The following APBB1IP variants were observed in gnomAD, a reference collection of about 807,000 sequenced individuals.
APBB1IP encodes amyloid beta precursor protein binding family B member 1 interacting protein.
APBB1IP carries 27 observed loss-of-function variants against 64.9 expected under a neutral mutation model. That is an observed-to-expected ratio of 0.42 (90% CI 0.31 to 0.57). APBB1IP has a LOEUF of 0.57. Ranked by LOEUF, APBB1IP falls within the 20% of genes least tolerant of loss-of-function variation. The pLI is 0.20. For missense variants in APBB1IP, 812 were observed against 845.5 expected, an observed-to-expected ratio of 0.96 and a Z score of 0.49; for synonymous variants, 392 against 331.0, an observed-to-expected ratio of 1.18 and a Z score of -2.00.
chr10:26,524,411 A>C lies in APBB1IP; in HGVS notation c.814-9028A>C, dbSNP rs577371434. On this transcript the variant is annotated intron_variant, in intron 8 of 14. Transcript: ENST00000376236. ...TTTCATCAGATTGATGATGAAAAAA[A>C]AACAACAACAAATTATGACAAAATA... Among the ~76,000 whole-genome samples the C allele has an allele frequency of 5.9e-5, 9 of 152,306 alleles. No homozygotes were observed. The East Asian group carries it at 1.2e-3, about 20-fold the overall frequency.
intron 2 of APBB1IP, among the ~76,000 whole-genome samples, chr10:26,465,107 C>T (rs1265911149): frequency 6.6e-6 from 1 of 152,142 alleles, no homozygotes; most frequent in African/African-American, 2.4e-5. Flanking sequence ...AGCTGCAGAC[C>T]AGGCGTGATT....
chr10:26,555,033 T>C (rs1389427577), intron 11 of APBB1IP, among the ~76,000 whole-genome samples: 1 of 152,074 alleles, frequency 6.6e-6, no homozygotes, highest in African/African-American at 2.4e-5. Flanking sequence ...GGGAGATAAT[T>C]AAACCCATAA....
rs1337127235 is a variant in APBB1IP at position 26,508,573 on chromosome 10, T to TATTTAGCTTGCTAAATCACATAACTGTG, written c.532-3164_532-3137dup. On this transcript the variant is annotated intron_variant, in intron 6 of 14. Coordinates refer to ENST00000376236, the MANE Select transcript of APBB1IP (RefSeq NM_019043.4). ...TCACTTTGCCCCATAAATATGAAAG[T>TATTTAGCTTGCTAAATCACATAACTGTG]ATTTAGCTTGCTAAATCACATAACT... Among the ~76,000 whole-genome samples the TATTTAGCTTGCTAAATCACATAACTGTG allele has an allele frequency of 9.8e-4, 149 of 151,906 alleles. 3 individuals carry two copies. In the South Asian group the frequency reaches 0.013, roughly 13 times the overall value.
chr10:26,506,908 C>G (rs1397814402), intron 6 of APBB1IP, among the ~76,000 whole-genome samples: 2 of 152,172 alleles, frequency 1.3e-5, no homozygotes, highest in Non-Finnish European at 2.9e-5. Flanking sequence ...GCTGAGGAGG[C>G]CTCTCTGAGC....
intron 2 of APBB1IP, among the ~76,000 whole-genome samples, chr10:26,458,023 A>G (rs1835547507): frequency 6.6e-6 from 1 of 152,190 alleles, no homozygotes; most frequent in Non-Finnish European, 1.5e-5. Context: ...TACCTTTGTC[A>G]AGCCCTTGGA....
At chr10:26,449,808 G>A (rs1835444600) in intron 2 of APBB1IP, among the ~76,000 whole-genome samples, 1 of 152,090 alleles carries the variant, frequency 6.6e-6, no homozygotes, top group East Asian at 1.9e-4. Flanking sequence ...CCATGAGTTG[G>A]AGACCAGCTT....
At chr10:26,517,559 C>T (rs1310529436) in intron 8 of APBB1IP, among the ~76,000 whole-genome samples, 1 of 152,256 alleles carries the variant, frequency 6.6e-6, no homozygotes, top group Non-Finnish European at 1.5e-5. Context: ...CCCGCCTCAG[C>T]CACCAGAGTA....
At chr10:26,552,771 C>G (rs7096433) in intron 11 of APBB1IP, among the ~76,000 whole-genome samples, 47,700 of 152,090 alleles carry the variant, frequency 0.31, 8,326 homozygotes, top group Admixed American at 0.47. Context: ...GAAGAAGGCT[C>G]CTATCTCCAA....
At chr10:26,515,459 C>A (rs939607760) in intron 8 of APBB1IP, among the ~76,000 whole-genome samples, 2 of 152,132 alleles carry the variant, frequency 1.3e-5, no homozygotes, top group African/African-American at 4.8e-5. Flanking sequence ...GCTTCCATCC[C>A]ATTGGCCAGA....
At chr10:26,497,476 A>G (rs1042822336) in intron 4 of APBB1IP, among the ~76,000 whole-genome samples, 2 of 150,900 alleles carry the variant, frequency 1.3e-5, no homozygotes, top group African/African-American at 2.4e-5. Context: ...GTGTGAACCC[A>G]GGAGGCGGAG....
chr10:26,453,358 G>T (rs1835485766), intron 2 of APBB1IP, among the ~76,000 whole-genome samples: 1 of 152,154 alleles, frequency 6.6e-6, no homozygotes, highest in African/African-American at 2.4e-5. Flanking sequence ...GTGGTGTGCT[G>T]GGCATGGACT....
chr10:26,533,677 T>C (rs1201037075), intron 9 of APBB1IP, 152 bp downstream of exon 9: 1 of 469,080 alleles, frequency 2.1e-6, no homozygotes, highest in African/African-American at 2.0e-5. Flanking sequence ...ATTATAGCTA[T>C]TTAGATAATT....
intron 11 of APBB1IP, among the ~76,000 whole-genome samples, chr10:26,557,053 C>T (rs183013572): frequency 6.6e-6 from 1 of 152,312 alleles, no homozygotes; most frequent in African/African-American, 2.4e-5. Context: ...ATCAATATGA[C>T]CTTCAGGTTA....
At position 26,470,889 on chromosome 10, in the gene APBB1IP, G is replaced by A. The variant is rs117212267; in HGVS notation, c.1-21438G>A. On this transcript the variant is annotated intron_variant, in intron 2 of 14. Coordinates refer to ENST00000376236, the MANE Select transcript of APBB1IP (RefSeq NM_019043.4). ...TAATCTCTCACCAACCTCAGCCTGC[G>A]TCCTTGCCCATCATCTGTCCAGGCA... Among the ~76,000 whole-genome samples, 84 of 152,138 alleles carry A rather than the reference G, an allele frequency of 5.5e-4. No individual in the cohort carries two copies. In the East Asian group the frequency reaches 7.5e-3, roughly 14 times the overall value.
At chr10:26,528,422 C>T (rs2132459172) in intron 8 of APBB1IP, among the ~76,000 whole-genome samples, 1 of 152,308 alleles carries the variant, frequency 6.6e-6, no homozygotes, top group East Asian at 1.9e-4. Context: ...CATTGAACAG[C>T]TTTCAAGGCC....
At chr10:26,442,498 G>T (rs1479289618) in intron 2 of APBB1IP, among the ~76,000 whole-genome samples, 5 of 152,098 alleles carry the variant, frequency 3.3e-5, no homozygotes, top group Non-Finnish European at 5.9e-5. Flanking sequence ...CTGGGATGGG[G>T]GATAAAAGCT....
chr10:26,496,268 C>A, intron 3 of APBB1IP, 36 bp from the exon 4 acceptor site: 1 of 1,484,424 alleles, frequency 6.7e-7, no homozygotes, highest in Non-Finnish European at 9.4e-7. Context: ...ATGTTTGTAT[C>A]ATGAATAACT....
intron 2 of APBB1IP, among the ~76,000 whole-genome samples, chr10:26,476,530 A>C (rs1270722740): frequency 1.3e-5 from 2 of 151,878 alleles, no homozygotes; most frequent in Non-Finnish European, 2.9e-5. Context: ...AAAAGTAAGA[A>C]TCGTGTAATG....
intron 6 of APBB1IP, among the ~76,000 whole-genome samples, chr10:26,505,509 A>G (rs535431743): frequency 6.6e-6 from 1 of 152,136 alleles, no homozygotes; most frequent in South Asian, 2.1e-4. Context: ...TCTCTCACCT[A>G]CAAAACCATT....
Sources: gnomAD v4.1 joint callset for allele counts (sites outside exome capture counted in the v4.1 genomes callset) on GRCh38, gnomAD v4.1.1 for gene constraint, MANE v1.5 for transcripts, NCBI Gene and HGNC (gene_info 2026-07-23, HGNC 2026-07-21) for gene names.